Variants in SLC22A15 observed in about 807,000 individuals in gnomAD.
SLC22A15 encodes the protein solute carrier family 22 member 15.
In SLC22A15, 45 loss-of-function variants were observed where a neutral mutation model predicts 62.7. The observed-to-expected ratio is 0.72, with a 90% CI of 0.56 to 0.92. SLC22A15 has a LOEUF of 0.92. Ranked by LOEUF, SLC22A15 falls within the 40% of genes least tolerant of loss-of-function variation. The probability of loss-of-function intolerance (pLI) is 0.00; values close to 1 mark genes in which losing one functional copy is unlikely to be tolerated. For missense variants in SLC22A15, 622 were observed against 665.6 expected (o/e 0.93, Z 0.72); for synonymous variants, 264 against 267.0 (o/e 0.99, Z 0.11).
chr1:116,007,167 C>T (rs1329723431), intron 2 of SLC22A15, among the ~76,000 whole-genome samples: 1 of 152,150 alleles, frequency 6.6e-6, no homozygotes, highest in Non-Finnish European at 1.5e-5. Context: ...GTACAAATTA[C>T]CTGTGCAAAT....
chr1:116,047,859 C>T (rs777064740), intron 8 of SLC22A15, among the ~76,000 whole-genome samples: 1 of 151,996 alleles, frequency 6.6e-6, no homozygotes, highest in Non-Finnish European at 1.5e-5. Flanking sequence ...GAGAAATATT[C>T]AAGGAAATAG....
intron 3 of SLC22A15, 95 bp from the exon 4 acceptor site, chr1:116,020,626 C>A: frequency 2.9e-6 from 3 of 1,017,220 alleles, no homozygotes; most frequent in African/African-American, 1.7e-5. Flanking sequence ...TTTAAGTTTA[C>A]AAACATTTAT....
chr1:116,043,186 G>T (rs1011351458), intron 8 of SLC22A15, among the ~76,000 whole-genome samples: 3 of 152,228 alleles, frequency 2.0e-5, no homozygotes, highest in African/African-American at 7.2e-5. Context: ...CACTTTGGGA[G>T]GCCAAGGTGG....
chr1:116,039,059 G>A (rs762095682), intron 8 of SLC22A15, among the ~76,000 whole-genome samples: 1 of 152,170 alleles, frequency 6.6e-6, no homozygotes, highest in Non-Finnish European at 1.5e-5. Context: ...AGACCAGCAA[G>A]TACCACTCTA....
chr1:115,987,599 T>A (rs1461401037), intron 1 of SLC22A15, among the ~76,000 whole-genome samples: 1 of 152,228 alleles, frequency 6.6e-6, no homozygotes, highest in Non-Finnish European at 1.5e-5. Flanking sequence ...ATACCCACTT[T>A]GTGCTGGACA....
At chr1:116,007,029 T>G (rs1207646344) in intron 2 of SLC22A15, among the ~76,000 whole-genome samples, 1 of 152,204 alleles carries the variant, frequency 6.6e-6, no homozygotes, top group Non-Finnish European at 1.5e-5. Flanking sequence ...CCACCTTGAT[T>G]ATAGTTATTG....
chr1:116,066,617 C>G lies in SLC22A15; in HGVS notation c.1463C>G (p.Pro488Arg). The change falls in exon 11 of 12, where the codon CCG becomes CGG. Residue 488 changes from proline to arginine, a missense_variant. Physicochemically the swap from Pro to Arg is moderately radical, Grantham distance 103. Coordinates refer to ENST00000369503, the MANE Select transcript of SLC22A15 (RefSeq NM_018420.3). ...SLLLPETLNS[P>R]LLETFSDLQV... ...TTATTGCCGGAGACCCTTAACAGTC[C>G]GCTGCTAGAAACATTCTCCGACCTT... is the stretch of plus-strand genomic sequence containing the variant. The G allele has an allele frequency of 2.5e-6, 4 of 1,611,056 alleles. No individual in the cohort carries two copies. The highest frequency in any genetic ancestry group is 3.4e-6 in the Non-Finnish European group (4 of 1,178,758).
intron 8 of SLC22A15, among the ~76,000 whole-genome samples, chr1:116,055,681 G>A (rs1658184781): frequency 6.6e-6 from 1 of 151,890 alleles, no homozygotes; most frequent in Admixed American, 6.6e-5. Context: ...ACTGAATCCA[G>A]CAGCACAGCA....
At chr1:116,031,689 G>A in intron 6 of SLC22A15, 108 bp downstream of exon 6, 1 of 1,502,582 alleles carries the variant, frequency 6.7e-7, no homozygotes, top group South Asian at 1.4e-5. Flanking sequence ...TCTTTTGTTA[G>A]CTTGAGGTTG....
At chr1:115,979,640 C>T (rs1221480650) in intron 1 of SLC22A15, among the ~76,000 whole-genome samples, 1 of 152,064 alleles carries the variant, frequency 6.6e-6, no homozygotes, top group Non-Finnish European at 1.5e-5. Flanking sequence ...ATGGTGATTC[C>T]GAGTTGCTGC....
chr1:116,014,315 A>G (rs1263388259), intron 2 of SLC22A15, among the ~76,000 whole-genome samples: 1 of 152,156 alleles, frequency 6.6e-6, no homozygotes, highest in African/African-American at 2.4e-5. Context: ...TTCTGCCCCC[A>G]GTTGTGCCTG....
chr1:116,039,529 G>A (rs895968997), intron 8 of SLC22A15, among the ~76,000 whole-genome samples: 22 of 151,700 alleles, frequency 1.5e-4, no homozygotes, highest in African/African-American at 5.1e-4. Context: ...GCAAAATTCT[G>A]TCTCAATTTA....
intron 1 of SLC22A15, among the ~76,000 whole-genome samples, chr1:115,990,540 T>G (rs1655093396): frequency 6.6e-6 from 1 of 152,198 alleles, no homozygotes; most frequent in African/African-American, 2.4e-5. Flanking sequence ...GATTACCTCC[T>G]ATTCGAAAAC....
At chr1:115,999,390 T>A (rs909539980) in intron 2 of SLC22A15, among the ~76,000 whole-genome samples, 5 of 152,226 alleles carry the variant, frequency 3.3e-5, no homozygotes, top group African/African-American at 1.2e-4. Flanking sequence ...GAAAGTGATG[T>A]GCTGAAGTCT....
At chr1:116,036,446 G>A (rs565847431) in intron 7 of SLC22A15, among the ~76,000 whole-genome samples, 10 of 152,118 alleles carry the variant, frequency 6.6e-5, no homozygotes, top group East Asian at 1.9e-4. Flanking sequence ...CCTTCTTAGC[G>A]CCCCCCAGAG....
At chr1:115,992,343 A>AGG in intron 2 of SLC22A15, 100 bp downstream of exon 2, 1 of 1,020,580 alleles carries the variant, frequency 9.8e-7, no homozygotes, top group Non-Finnish European at 1.4e-6. Context: ...CACATTTTCA[A>AGG]ATAACTTTCT....
chr1:116,041,665 G>A (rs188578822), intron 8 of SLC22A15, among the ~76,000 whole-genome samples: 1 of 152,220 alleles, frequency 6.6e-6, no homozygotes, highest in East Asian at 1.9e-4. Context: ...TTGAAGCTTG[G>A]GGAAGCCAAG....
chr1:115,996,001 A>G (rs544340630), intron 2 of SLC22A15, among the ~76,000 whole-genome samples: 3 of 152,252 alleles, frequency 2.0e-5, no homozygotes, highest in South Asian at 4.1e-4. Flanking sequence ...TTCCATCACC[A>G]CAAGGATCCT....
intron 4 of SLC22A15, among the ~76,000 whole-genome samples, chr1:116,025,059 G>A (rs943585624): frequency 2.0e-5 from 3 of 152,012 alleles, no homozygotes; most frequent in South Asian, 2.1e-4. Context: ...GGACAATATC[G>A]AACATTTGTA....
Sources: gnomAD v4.1 joint callset for allele counts (sites outside exome capture counted in the v4.1 genomes callset) on GRCh38, gnomAD v4.1.1 for gene constraint, MANE v1.5 for transcripts, NCBI Gene and HGNC (gene_info 2026-07-23, HGNC 2026-07-21) for gene names.